The following NBAS variants were observed in gnomAD, a reference collection of about 807,000 sequenced individuals.
The protein encoded by NBAS is NAG/BC035112 fusion.
In NBAS, 219 loss-of-function variants were observed where a neutral mutation model predicts 302.5. The observed-to-expected ratio is 0.72, with a 90% CI of 0.65 to 0.81. The LOEUF (loss-of-function observed/expected upper bound fraction) is 0.81, where lower values mean the gene tolerates loss of function less well. NBAS is among the 30% of genes least tolerant of loss of function. The pLI, the probability that NBAS is intolerant of heterozygous loss-of-function variation, is 0.00. For missense variants in NBAS, 2,932 were observed against 2,841.6 expected (o/e 1.03, Z -0.72); for synonymous variants, 1,118 against 1,021.6 (o/e 1.09, Z -1.80).
chr2:15,165,836 A>G (rs1355098116), downstream of NBAS, among the ~76,000 whole-genome samples: 1 of 152,226 alleles, frequency 6.6e-6, no homozygotes, highest in African/African-American at 2.4e-5. Context: ...ATTACTCCCT[A>G]TAACAATGAT....
At chr2:15,048,502 T>C in the NBAS span, among the ~76,000 whole-genome samples, 1 of 152,238 alleles carries the variant, frequency 6.6e-6, no homozygotes, top group Non-Finnish European at 1.5e-5. Context: ...AGGCTTTGCC[T>C]GGGAAGACAC....
chr2:15,176,797 T>G (rs1014053809), intron 51 of NBAS, among the ~76,000 whole-genome samples: 1 of 152,184 alleles, frequency 6.6e-6, no homozygotes, highest in African/African-American at 2.4e-5. Context: ...ACCTGTATAC[T>G]CTAGTCATGA....
chr2:14,999,713 C>T, the NBAS span, among the ~76,000 whole-genome samples: 1 of 152,140 alleles, frequency 6.6e-6, no homozygotes, highest in Admixed American at 6.5e-5. Context: ...GTAAACTACC[C>T]AGTCTTAGGT....
chr2:15,058,400 A>T, the NBAS span, among the ~76,000 whole-genome samples: 3 of 152,244 alleles, frequency 2.0e-5, no homozygotes, highest in Non-Finnish European at 4.4e-5. Flanking sequence ...GCAAAGGTTA[A>T]GAAACCCTAT....
At chr2:14,906,427 C>A in the NBAS span, among the ~76,000 whole-genome samples, 1 of 152,232 alleles carries the variant, frequency 6.6e-6, no homozygotes, top group Non-Finnish European at 1.5e-5. Context: ...AGTCTGTTCT[C>A]TTTCTAATTG....
intron 40 of NBAS, among the ~76,000 whole-genome samples, chr2:15,307,986 A>C (rs1018229558): frequency 5.3e-5 from 8 of 152,212 alleles, no homozygotes; most frequent in African/African-American, 1.9e-4. Context: ...GAGTAAATTA[A>C]GTAAAAGTTA....
At chr2:15,461,404 C>A in intron 20 of NBAS, 67 bp from the exon 21 acceptor site, 1 of 1,557,790 alleles carries the variant, frequency 6.4e-7, no homozygotes, top group Non-Finnish European at 8.8e-7. Context: ...TTTTATATGA[C>A]AACATTCAAA....
the NBAS span, among the ~76,000 whole-genome samples, chr2:15,032,367 C>A: frequency 1.3e-5 from 2 of 152,150 alleles, no homozygotes; most frequent in Non-Finnish European, 2.9e-5. Flanking sequence ...GATTGTATAA[C>A]TGAACAATAG....
chr2:14,892,402 C>T, the NBAS span, among the ~76,000 whole-genome samples: 1 of 152,198 alleles, frequency 6.6e-6, no homozygotes, highest in Non-Finnish European at 1.5e-5. Context: ...ACAATGGGCT[C>T]ACAGGGCGAC....
At chr2:14,986,771 C>T in the NBAS span, among the ~76,000 whole-genome samples, 1 of 152,054 alleles carries the variant, frequency 6.6e-6, no homozygotes, top group South Asian at 2.1e-4. Context: ...TATTTTAATA[C>T]TTGGAAAATC....
At chr2:15,341,386 T>TAATA (rs1203072200) in intron 35 of NBAS, among the ~76,000 whole-genome samples, 1 of 137,514 alleles carries the variant, frequency 7.3e-6, no homozygotes, top group Admixed American at 8.0e-5. Context: ...ACACTATCTC[T>TAATA]AATAAATAAA....
At chr2:15,040,454 A>G in the NBAS span, among the ~76,000 whole-genome samples, 4 of 152,320 alleles carry the variant, frequency 2.6e-5, no homozygotes, top group South Asian at 8.3e-4. Context: ...CCCAGGCACG[A>G]CCACCTTGTG....
chr2:15,292,690 A>C lies in NBAS; in HGVS notation c.4874T>G (p.Leu1625Arg). 6.2e-7 allele frequency: 1 copy of C among 1,614,212 alleles called. No individual in the cohort carries two copies. Among genetic ancestry groups the C allele is most frequent in the Non-Finnish European group, 8.5e-7 (1 of 1,180,044 alleles). ...GTGTAACTGCTTGGTCAGTGAAATA[A>C]GGTCTTCAGGCCAGGCTTCGTGCTC... ...RHEHEAWPED[L>R]ISLTKQLHCY... The change falls in exon 41 of 52, where the codon CTT becomes CGT. Residue 1625 changes from leucine (L) to arginine (R), a missense_variant. Transcript: ENST00000281513.
the NBAS span, among the ~76,000 whole-genome samples, chr2:15,084,852 A>G: frequency 5.3e-5 from 8 of 152,118 alleles, no homozygotes; most frequent in Admixed American, 2.0e-4. Context: ...GACTCTAACC[A>G]CTTGAAAGGT....
chr2:15,467,540 A>G, intron 18 of NBAS, 124 bp downstream of exon 18: 1 of 1,269,572 alleles, frequency 7.9e-7, no homozygotes, highest in Non-Finnish European at 1.1e-6. Context: ...AGGGTAAGAT[A>G]ATAGTAAGTA....
the NBAS span, among the ~76,000 whole-genome samples, chr2:15,160,595 G>T: frequency 3.8e-5 from 5 of 131,236 alleles, no homozygotes; most frequent in East Asian, 8.0e-4. Context: ...CGGGGGGAGG[G>T]GGGGGGGCAG....
the NBAS span, among the ~76,000 whole-genome samples, chr2:15,089,635 C>G: frequency 6.6e-6 from 1 of 152,054 alleles, no homozygotes; most frequent in African/African-American, 2.4e-5. Flanking sequence ...CCACCCAGCT[C>G]CAGAAATACC....
intron 2 of NBAS, among the ~76,000 whole-genome samples, chr2:15,557,318 T>C (rs994645109): frequency 3.3e-5 from 5 of 152,174 alleles, no homozygotes; most frequent in Non-Finnish European, 7.4e-5. Flanking sequence ...TACATGTATG[T>C]GTGTACCTGT....
chr2:15,199,254 A>G (rs1665767853), intron 48 of NBAS, among the ~76,000 whole-genome samples: 1 of 152,204 alleles, frequency 6.6e-6, no homozygotes, highest in African/African-American at 2.4e-5. Flanking sequence ...ACAAATCACA[A>G]AAGATGAAGC....
Sources: gnomAD v4.1 joint callset for allele counts (sites outside exome capture counted in the v4.1 genomes callset) on GRCh38, gnomAD v4.1.1 for gene constraint, MANE v1.5 for transcripts, NCBI Gene and HGNC (gene_info 2026-07-23, HGNC 2026-07-21) for gene names.